KLHL20: variants seen among roughly 807,000 people sequenced by gnomAD.
The protein encoded by KLHL20 is kelch-like protein 20.
Under a neutral mutation model 69.5 loss-of-function variants are expected in KLHL20, and 29 were observed. That is an observed-to-expected ratio of 0.42 (90% CI 0.31 to 0.57). The LOEUF (loss-of-function observed/expected upper bound fraction) is 0.57. Among genes scored for constraint, KLHL20 ranks in the 20% least tolerant of loss-of-function variants. The pLI is 0.18. For synonymous variants in KLHL20, 253 were observed against 265.2 expected, an observed-to-expected ratio of 0.95 and a Z score of 0.45; for missense variants, 419 against 776.0, an observed-to-expected ratio of 0.54 and a Z score of 5.47.
intron 2 of KLHL20, among the ~76,000 whole-genome samples, chr1:173,731,025 A>G (rs1270457024): frequency 1.3e-5 from 2 of 152,170 alleles, no homozygotes; most frequent in Non-Finnish European, 2.9e-5. Flanking sequence ...AATTTACAAG[A>G]AAAAAACAAC....
intron 4 of KLHL20, among the ~76,000 whole-genome samples, chr1:173,752,289 A>G (rs898756586): frequency 1.3e-5 from 2 of 152,122 alleles, no homozygotes; most frequent in African/African-American, 2.4e-5. Flanking sequence ...TTGTCTTGCA[A>G]ACATAAAACA....
chr1:173,750,762 T>A (rs1030042490), intron 3 of KLHL20, among the ~76,000 whole-genome samples: 2 of 152,154 alleles, frequency 1.3e-5, no homozygotes, highest in Non-Finnish European at 2.9e-5. Context: ...GTTCTCACTA[T>A]GTTGCCCAGG....
chr1:173,736,437 G>T (rs1672539075), intron 3 of KLHL20, among the ~76,000 whole-genome samples: 1 of 151,894 alleles, frequency 6.6e-6, no homozygotes, highest in Non-Finnish European at 1.5e-5. Context: ...TTTTCCTCTG[G>T]GCAGTAACCA....
chr1:173,753,324 A>G lies in KLHL20; in HGVS notation c.851+17A>G. The G allele has an allele frequency of 6.3e-7, 1 of 1,579,118 alleles. No individual in the cohort carries two copies. Among genetic ancestry groups the G allele is most frequent in the South Asian group, 1.1e-5 (1 of 90,272 alleles). On this transcript the variant is annotated intron_variant, in intron 5 of 11. Transcript: ENST00000209884. ...AGAATGCAGGTATGAGTGACCCTGG[A>G]TGGGAAAAATCAACAACTAAGCATT...
chr1:173,729,053 G>A (rs537139930), intron 2 of KLHL20, among the ~76,000 whole-genome samples: 10 of 152,082 alleles, frequency 6.6e-5, no homozygotes, highest in East Asian at 1.9e-4. Context: ...TATCACCACC[G>A]ATCCCACAGA....
Position 173,786,371 on chromosome 1 carries a change from A to G in KLHL20, c.*1124A>G, listed in dbSNP as rs1194504298. The G allele has an allele frequency of 3.3e-5, 5 of 152,644 alleles. No individual in the cohort carries two copies. The highest frequency in any genetic ancestry group is 5.9e-5 in the Non-Finnish European group (4 of 67,928). The allele number at this position is 152,644 out of a possible 1,614,324, so 9.5% of individuals were successfully genotyped here. A position where few individuals can be genotyped will look rare whatever the true frequency, so the allele number is the denominator to read the frequency against. On this transcript the variant is annotated 3_prime_UTR_variant, in exon 12 of 12. Coordinates refer to ENST00000209884, the MANE Select transcript of KLHL20 (RefSeq NM_014458.4). Reference sequence around the variant, plus strand: ...TTCTCTCAAATTGCACTTTCTGGTAAAAAGTTAAAAATTTTTAAGGAAAAA... The same window carrying G: ...TTCTCTCAAATTGCACTTTCTGGTAGAAAGTTAAAAATTTTTAAGGAAAAA...
chr1:173,771,744 G>A (rs556896848), intron 8 of KLHL20, among the ~76,000 whole-genome samples: 1 of 152,054 alleles, frequency 6.6e-6, no homozygotes, highest in East Asian at 1.9e-4. Context: ...CCCCACCCTG[G>A]GTGACAGACT....
At chr1:173,771,159 A>G (rs1240916240) in intron 8 of KLHL20, among the ~76,000 whole-genome samples, 1 of 152,246 alleles carries the variant, frequency 6.6e-6, no homozygotes, top group Non-Finnish European at 1.5e-5. Context: ...GGCACAGACA[A>G]CTATTAACAA....
Position 173,727,554 on chromosome 1 carries a change from G to A in KLHL20, c.24-6159G>A, listed in dbSNP as rs529207437. Among the ~76,000 whole-genome samples, 8 of 152,228 alleles carry A rather than the reference G, an allele frequency of 5.3e-5. No individual in the cohort carries two copies. The East Asian group carries it at 9.7e-4, about 18-fold the overall frequency. ...CCATCAGACTAACAGCTGATCTCTC[G>A]GCAGAAACTCTACAAGCCAGAAGAC... On this transcript the variant is annotated intron_variant, in intron 2 of 11. Coordinates refer to ENST00000209884, the MANE Select transcript of KLHL20 (RefSeq NM_014458.4).
chr1:173,780,427 A>G (rs1457016159), intron 10 of KLHL20, among the ~76,000 whole-genome samples: 1 of 152,174 alleles, frequency 6.6e-6, no homozygotes, highest in Non-Finnish European at 1.5e-5. Context: ...ACTACCAAAG[A>G]CAGTCACATG....
chr1:173,726,280 C>CA (rs956134164), intron 2 of KLHL20, among the ~76,000 whole-genome samples: 4 of 151,594 alleles, frequency 2.6e-5, no homozygotes, highest in African/African-American at 9.7e-5. Context: ...CACTGCAGTT[C>CA]AAGGAGGCCT....
intron 11 of KLHL20, among the ~76,000 whole-genome samples, chr1:173,784,867 G>C (rs543015194): frequency 6.6e-6 from 1 of 152,308 alleles, no homozygotes; most frequent in Non-Finnish European, 1.5e-5. Flanking sequence ...AAGTCAGTGA[G>C]GTATACAGTT....
intron 10 of KLHL20, among the ~76,000 whole-genome samples, chr1:173,779,497 C>T (rs1478568214): frequency 6.6e-6 from 1 of 151,868 alleles, no homozygotes; most frequent in Non-Finnish European, 1.5e-5. Context: ...AGTACAGGCG[C>T]GTGCCACCAT....
chr1:173,734,072 C>A lies in KLHL20; in HGVS notation c.383C>A (p.Thr128Asn), dbSNP rs1363290085. ...AMELLIDFAY[T>N]SQITVEEGNV... ...GAATTACTGATTGACTTTGCGTATA[C>A]CTCCCAGATAACAGTAGAAGAGGGC... Residue 128 changes from threonine (T) to asparagine (N), a missense_variant, in exon 3 of 12, where the codon ACC (threonine) becomes AAC (asparagine). Around this residue, in one of 6 missense-constraint regions of KLHL20, gnomAD observed 129 missense variants for 183.6 expected, o/e 0.70. Coordinates refer to ENST00000209884, the MANE Select transcript of KLHL20 (RefSeq NM_014458.4). 2 of 1,614,162 alleles carry A rather than the reference C, an allele frequency of 1.2e-6. No individual in the cohort carries two copies. Among genetic ancestry groups the A allele is most frequent in the Non-Finnish European group, 1.7e-6 (2 of 1,180,014 alleles).
intron 11 of KLHL20, among the ~76,000 whole-genome samples, chr1:173,782,794 C>T (rs902567509): frequency 6.6e-6 from 1 of 152,098 alleles, no homozygotes; most frequent in African/African-American, 2.4e-5. Flanking sequence ...GCTTTTAAAT[C>T]CTCAATTGTC....
At chr1:173,745,672 C>T (rs1011722766) in intron 3 of KLHL20, among the ~76,000 whole-genome samples, 3 of 151,996 alleles carry the variant, frequency 2.0e-5, no homozygotes, top group African/African-American at 7.3e-5. Flanking sequence ...AGTTTTATTT[C>T]TTCCTTTCCA....
chr1:173,756,151 A>G (rs898102004), intron 6 of KLHL20, 113 bp downstream of exon 6: 6 of 721,550 alleles, frequency 8.3e-6, no homozygotes, highest in Non-Finnish European at 1.2e-5. Context: ...CACAAATAAT[A>G]AGTCAGCATA....
intron 3 of KLHL20, among the ~76,000 whole-genome samples, chr1:173,735,936 C>T (rs1025898577): frequency 0.015 from 1,566 of 106,184 alleles, 43 homozygotes; most frequent in Non-Finnish European, 0.021. Flanking sequence ...GCCATTCTAT[C>T]TTTTTTTTTT....
intron 3 of KLHL20, among the ~76,000 whole-genome samples, chr1:173,749,882 T>C (rs902797600): frequency 6.6e-6 from 1 of 152,194 alleles, no homozygotes; most frequent in Non-Finnish European, 1.5e-5. Context: ...TTTTGCATGC[T>C]GTGAAGACCA....
Sources: gnomAD v4.1 joint callset for allele counts (sites outside exome capture counted in the v4.1 genomes callset) on GRCh38, gnomAD v4.1.1 for gene constraint, gnomAD v4.1.1 regional missense constraint, MANE v1.5 for transcripts, NCBI Gene and HGNC (gene_info 2026-07-23, HGNC 2026-07-21) for gene names.